MAPK10: variants seen among roughly 807,000 people sequenced by gnomAD.
MAPK10 encodes JNK3 alpha protein kinase.
MAPK10 carries 25 observed loss-of-function variants against 59.3 expected under a neutral mutation model. The observed-to-expected ratio is 0.42, with a 90% confidence interval of 0.31 to 0.59. The LOEUF is 0.59. MAPK10 is among the 20% of genes least tolerant of loss of function. The probability of loss-of-function intolerance (pLI) is 0.15; values close to 1 mark genes in which losing one functional copy is unlikely to be tolerated. For missense variants in MAPK10, 351 were observed against 568.9 expected (o/e 0.62, Z 3.90); for synonymous variants, 190 against 200.5 (o/e 0.95, Z 0.44).
chr4:86,512,769 T>A (rs1246830760), intron 1 of MAPK10, among the ~76,000 whole-genome samples: 2 of 152,180 alleles, frequency 1.3e-5, no homozygotes, highest in Non-Finnish European at 2.9e-5. Flanking sequence ...TAAAACTAGA[T>A]GAATTTTAAG....
chr4:86,583,535 T>C (rs1328090299), intron 1 of MAPK10, among the ~76,000 whole-genome samples: 1 of 152,192 alleles, frequency 6.6e-6, no homozygotes, highest in African/African-American at 2.4e-5. Context: ...TCATTCTTTT[T>C]CGGTCTTGAA....
chr4:86,073,229 C>T (rs865897235), intron 9 of MAPK10, among the ~76,000 whole-genome samples: 2,519 of 133,616 alleles, frequency 0.019, no homozygotes, highest in African/African-American at 0.068. Context: ...TCTGTGGGAT[C>T]GGTGGTGATA....
intron 1 of MAPK10, among the ~76,000 whole-genome samples, chr4:86,460,913 C>A (rs1751675485): frequency 6.6e-6 from 1 of 152,194 alleles, no homozygotes; most frequent in African/African-American, 2.4e-5. Context: ...TCAGGGCTCT[C>A]AGCTCTGAAG....
intron 4 of MAPK10, among the ~76,000 whole-genome samples, chr4:86,109,561 G>C (rs570500723): frequency 6.6e-6 from 1 of 152,320 alleles, no homozygotes; most frequent in South Asian, 2.1e-4. Flanking sequence ...CAAAGGACAA[G>C]ATGTCATTCC....
chr4:86,366,347 C>T (rs895667524), intron 1 of MAPK10, among the ~76,000 whole-genome samples: 3 of 152,160 alleles, frequency 2.0e-5, no homozygotes, highest in East Asian at 3.9e-4. Flanking sequence ...TATATGCATT[C>T]GTCAAAACTC....
intron 4 of MAPK10, chr4:86,117,664 G>A (rs142317454): frequency 7.9e-5 from 12 of 152,324 alleles, no homozygotes; most frequent in South Asian, 6.2e-4. Context: ...ACCTATGAGC[G>A]ATTTGTAATG....
chr4:86,103,251 G>C lies in MAPK10; in HGVS notation c.367-7C>G. On this transcript the variant is annotated splice_polypyrimidine_tract_variant and splice_region_variant and intron_variant, in intron 5 of 13. Transcript: ENST00000641462. The stretch of plus-strand genomic sequence containing the variant: ...CATTTAATAAACTAATAATCTGAAA[G>C]AGAGTGGAAGGGACAGAGGAAACGA... 1 of 1,396,086 alleles carries C rather than the reference G, an allele frequency of 7.2e-7. No individual in the cohort carries two copies. The highest frequency in any genetic ancestry group is 1.0e-6 in the Non-Finnish European group (1 of 979,912). The allele number at this position is 1,396,086 out of a possible 1,614,324, so 86.5% of individuals were successfully genotyped here.
At chr4:86,448,032 A>AT (rs761020430) in intron 1 of MAPK10, among the ~76,000 whole-genome samples, 1 of 152,220 alleles carries the variant, frequency 6.6e-6, no homozygotes, top group Non-Finnish European at 1.5e-5. Context: ...AATGAAAATA[A>AT]TAATGGTTCC....
intron 3 of MAPK10, among the ~76,000 whole-genome samples, chr4:86,184,091 G>T (rs1173910639): frequency 6.6e-6 from 1 of 152,074 alleles, no homozygotes; most frequent in Non-Finnish European, 1.5e-5. Flanking sequence ...TCTGTAGGTT[G>T]CCTGTTCACT....
intron 2 of MAPK10, among the ~76,000 whole-genome samples, chr4:86,331,952 C>T (rs561941594): frequency 6.6e-6 from 1 of 152,270 alleles, no homozygotes; most frequent in Non-Finnish European, 1.5e-5. Flanking sequence ...TTTATAACTA[C>T]ATTTCATTTA....
chr4:86,257,002 G>A (rs575686685), intron 2 of MAPK10, among the ~76,000 whole-genome samples: 1 of 151,424 alleles, frequency 6.6e-6, no homozygotes, highest in African/African-American at 2.4e-5. Flanking sequence ...CGCCCGCCTC[G>A]GCCTATACTC....
chr4:86,121,123 A>G (rs1331248909), intron 4 of MAPK10, among the ~76,000 whole-genome samples: 1 of 152,208 alleles, frequency 6.6e-6, no homozygotes, highest in African/African-American at 2.4e-5. Flanking sequence ...CCTACATACG[A>G]TGATTTAACA....
upstream of MAPK10, among the ~76,000 whole-genome samples, chr4:86,455,871 C>T (rs1751181667): frequency 1.3e-5 from 2 of 152,156 alleles, no homozygotes; most frequent in Non-Finnish European, 1.5e-5. Flanking sequence ...TTCAACAACA[C>T]ATGGAACTTT....
chr4:86,469,324 A>G (rs1260086279), intron 1 of MAPK10, among the ~76,000 whole-genome samples: 2 of 152,200 alleles, frequency 1.3e-5, no homozygotes, highest in Non-Finnish European at 2.9e-5. Context: ...AGCAGAATCT[A>G]ATGAAGAATA....
chr4:86,058,746 G>A (rs535321204), intron 11 of MAPK10, among the ~76,000 whole-genome samples: 1 of 151,476 alleles, frequency 6.6e-6, no homozygotes, highest in East Asian at 1.9e-4. Flanking sequence ...TTAGATCTCT[G>A]ATCTTAGACC....
At chr4:86,029,347 C>T in intron 12 of MAPK10, 73 bp from the exon 13 acceptor site, 1 of 889,000 alleles carries the variant, frequency 1.1e-6, no homozygotes, top group Non-Finnish European at 1.9e-6. Context: ...TTACTTAATG[C>T]CAAATAATTA....
intron 1 of MAPK10, among the ~76,000 whole-genome samples, chr4:86,381,610 C>T (rs958937714): frequency 6.6e-6 from 1 of 152,166 alleles, no homozygotes; most frequent in African/African-American, 2.4e-5. Flanking sequence ...TGCCTCTCTG[C>T]CTTATGTGGT....
At chr4:86,332,924 T>C (rs1474223015) in intron 2 of MAPK10, among the ~76,000 whole-genome samples, 1 of 152,172 alleles carries the variant, frequency 6.6e-6, no homozygotes, top group Non-Finnish European at 1.5e-5. Flanking sequence ...TAATAGGTAA[T>C]GGTAGTCAAC....
At chr4:86,414,672 T>A (rs1289188637) in intron 1 of MAPK10, among the ~76,000 whole-genome samples, 4 of 152,200 alleles carry the variant, frequency 2.6e-5, no homozygotes, top group Non-Finnish European at 4.4e-5. Context: ...GCTAGTTTCT[T>A]CCTGTGATGC....
Sources: allele counts gnomAD v4.1 joint callset (sites outside exome capture counted in the v4.1 genomes callset), GRCh38; gene constraint gnomAD v4.1.1; transcripts MANE v1.5; gene names NCBI Gene and HGNC (gene_info 2026-07-23, HGNC 2026-07-21).